ARHGAP15: variants seen among roughly 807,000 people sequenced by gnomAD.
ARHGAP15 encodes Rho GTPase activating protein 15.
ARHGAP15 carries 51 observed loss-of-function variants against 63.7 expected under a neutral mutation model. That is an observed-to-expected ratio of 0.80 (90% CI 0.64 to 1.01). ARHGAP15 has a LOEUF of 1.01. ARHGAP15 is among the 50% of genes least tolerant of loss of function. The pLI is 0.00. For synonymous variants in ARHGAP15, 191 were observed against 193.8 expected (o/e 0.99, Z 0.12); for missense variants, 560 against 564.6 (o/e 0.99, Z 0.08).
intron 2 of ARHGAP15, among the ~76,000 whole-genome samples, chr2:143,161,515 T>A (rs1023221973): frequency 1.3e-5 from 2 of 151,922 alleles, no homozygotes; most frequent in Non-Finnish European, 2.9e-5. Flanking sequence ...ACAACTAATA[T>A]TATGGTAAAT....
At position 143,556,477 on chromosome 2, in the gene ARHGAP15, TCAA is replaced by T. The variant is rs752812473; in HGVS notation, c.997_999del (p.Asn333del). Reference sequence around the variant, plus strand: ...ACAATACAGAAGTTAAGATTTATTGTCAACCAAGGTAAGTGATTTCCACTTCAG... The same window carrying T: ...ACAATACAGAAGTTAAGATTTATTGTCCAAGGTAAGTGATTTCCACTTCAG... On this transcript the variant is annotated inframe_deletion, in exon 11 of 14. Coordinates refer to ENST00000295095, the MANE Select transcript of ARHGAP15 (RefSeq NM_018460.4). 5.6e-6 allele frequency: 9 copies of T among 1,611,290 alleles called. No individual in the cohort carries two copies. The highest frequency in any genetic ancestry group is 5.9e-6 in the Non-Finnish European group (7 of 1,178,292).
intron 10 of ARHGAP15, among the ~76,000 whole-genome samples, chr2:143,521,429 G>A (rs746605513): frequency 1.8e-4 from 27 of 152,008 alleles, no homozygotes; most frequent in Non-Finnish European, 1.6e-4. Context: ...TTGTTTTTAC[G>A]AAATTCTGGC....
intron 1 of ARHGAP15, among the ~76,000 whole-genome samples, chr2:143,152,503 A>G (rs1383574741): frequency 6.6e-6 from 1 of 151,828 alleles, no homozygotes; most frequent in Non-Finnish European, 1.5e-5. Flanking sequence ...TTGTTTCTCT[A>G]TTGCCCTCAC....
intron 2 of ARHGAP15, among the ~76,000 whole-genome samples, chr2:143,159,808 A>G (rs1690221135): frequency 6.6e-6 from 1 of 151,966 alleles, no homozygotes; most frequent in Non-Finnish European, 1.5e-5. Flanking sequence ...GAGAGTCTGC[A>G]GCCATTTCTA....
intron 9 of ARHGAP15, among the ~76,000 whole-genome samples, chr2:143,497,355 T>C (rs1276340387): frequency 6.6e-6 from 1 of 152,150 alleles, no homozygotes; most frequent in African/African-American, 2.4e-5. Flanking sequence ...CCATGGCTGT[T>C]TCAGTCCTCT....
intron 7 of ARHGAP15, among the ~76,000 whole-genome samples, 191 bp downstream of exon 7, chr2:143,435,890 TTC>T (rs943891587): frequency 3.3e-5 from 5 of 152,152 alleles, no homozygotes; most frequent in Non-Finnish European, 5.9e-5. Context: ...GTCGTTTAAT[TTC>T]TCTCTTTCAA....
chr2:143,575,180 G>A (rs1696629256), intron 11 of ARHGAP15, among the ~76,000 whole-genome samples: 1 of 152,054 alleles, frequency 6.6e-6, no homozygotes, highest in Non-Finnish European at 1.5e-5. Flanking sequence ...GTAAGTACTT[G>A]TGTGTTGTAA....
chr2:143,642,710 A>C (rs987978530), intron 12 of ARHGAP15, among the ~76,000 whole-genome samples: 3 of 152,086 alleles, frequency 2.0e-5, no homozygotes, highest in African/African-American at 7.2e-5. Context: ...AAGACAATAA[A>C]TGTTCTACAG....
At chr2:143,448,877 A>G (rs1230768907) in intron 8 of ARHGAP15, among the ~76,000 whole-genome samples, 1 of 152,098 alleles carries the variant, frequency 6.6e-6, no homozygotes, top group Admixed American at 6.6e-5. Flanking sequence ...ACCATATGAC[A>G]TAAATAACTT....
At chr2:143,739,683 A>G (rs1010165578) in intron 13 of ARHGAP15, among the ~76,000 whole-genome samples, 4 of 152,138 alleles carry the variant, frequency 2.6e-5, no homozygotes, top group African/African-American at 9.7e-5. Context: ...CCATTGGCCA[A>G]TGTTCTCTTA....
intron 6 of ARHGAP15, among the ~76,000 whole-genome samples, chr2:143,318,652 T>G (rs1054160787): frequency 6.6e-6 from 1 of 151,916 alleles, no homozygotes; most frequent in Non-Finnish European, 1.5e-5. Flanking sequence ...TTCCTATTTC[T>G]GAGCAACAGT....
intron 6 of ARHGAP15, among the ~76,000 whole-genome samples, chr2:143,316,461 G>A (rs189752641): frequency 6.6e-6 from 1 of 151,100 alleles, no homozygotes; most frequent in East Asian, 1.9e-4. Flanking sequence ...AGCAATATAG[G>A]TGTGCAGAGA....
At chr2:143,346,224 ACACACTCTCTCTCACACACACACACT>A (rs1685282588) in intron 6 of ARHGAP15, among the ~76,000 whole-genome samples, 1 of 130,692 alleles carries the variant, frequency 7.7e-6, no homozygotes. Context: ...TCTCTCTCAC[ACACACTCTCTCTCACACACACACACT>A]CACACACACA....
At chr2:143,155,086 T>C (rs1690024859) in intron 1 of ARHGAP15, among the ~76,000 whole-genome samples, 1 of 151,884 alleles carries the variant, frequency 6.6e-6, no homozygotes, top group South Asian at 2.1e-4. Context: ...GATGGTAGCA[T>C]GTAGGGGTAA....
At chr2:143,279,393 G>A (rs186350903) in intron 6 of ARHGAP15, among the ~76,000 whole-genome samples, 3 of 152,178 alleles carry the variant, frequency 2.0e-5, no homozygotes, top group Non-Finnish European at 1.5e-5. Context: ...CCTGCAAACT[G>A]GTATATATGC....
chr2:143,343,298 G>A (rs978443900), intron 6 of ARHGAP15, among the ~76,000 whole-genome samples: 1 of 152,016 alleles, frequency 6.6e-6, no homozygotes, highest in Non-Finnish European at 1.5e-5. Context: ...AGAGCATGAG[G>A]ACGCATGTTG....
intron 11 of ARHGAP15, among the ~76,000 whole-genome samples, chr2:143,590,204 A>C (rs2105166580): frequency 6.6e-6 from 1 of 152,280 alleles, no homozygotes; most frequent in South Asian, 2.1e-4. Context: ...AATTTTTCAC[A>C]ATCTGTTTTC....
chr2:143,617,627 A>G (rs1457269864), intron 11 of ARHGAP15, among the ~76,000 whole-genome samples: 1 of 152,220 alleles, frequency 6.6e-6, no homozygotes, highest in African/African-American at 2.4e-5. Context: ...TAGTCACACT[A>G]TGAAATATTG....
intron 3 of ARHGAP15, among the ~76,000 whole-genome samples, chr2:143,212,980 A>T (rs1692615162): frequency 6.6e-6 from 1 of 152,164 alleles, no homozygotes; most frequent in African/African-American, 2.4e-5. Flanking sequence ...TACCCAGGCT[A>T]AAAGATGGCC....
Sources: allele counts gnomAD v4.1 joint callset (sites outside exome capture counted in the v4.1 genomes callset), GRCh38; gene constraint gnomAD v4.1.1; transcripts MANE v1.5; gene names NCBI Gene and HGNC (gene_info 2026-07-23, HGNC 2026-07-21).